Variants in GPHN observed in about 807,000 individuals in gnomAD.
GPHN encodes the protein gephyrin.
Under a neutral mutation model 95.5 loss-of-function variants are expected in GPHN, and 17 were observed. The observed-to-expected ratio is 0.18, with a 90% CI of 0.12 to 0.27. The LOEUF (loss-of-function observed/expected upper bound fraction) is 0.27. Ranked by LOEUF, GPHN falls within the 10% of genes least tolerant of loss-of-function variation. GPHN has a pLI of 1.00. For missense variants in GPHN, 660 were observed against 978.1 expected (o/e 0.67, Z 4.34); for synonymous variants, 320 against 322.5 (o/e 0.99, Z 0.08).
At chr14:66,692,672 C>T (rs2067858794) in intron 2 of GPHN, among the ~76,000 whole-genome samples, 2 of 151,986 alleles carry the variant, frequency 1.3e-5, no homozygotes, top group South Asian at 2.1e-4. Context: ...ACCATTGGTG[C>T]ATATAAACTA....
intron 1 of GPHN, among the ~76,000 whole-genome samples, chr14:66,604,575 A>G (rs144518313): frequency 6.6e-6 from 1 of 152,304 alleles, no homozygotes; most frequent in Admixed American, 6.5e-5. Flanking sequence ...GATACTTTAG[A>G]AAAACAGATT....
At chr14:67,022,030 T>C (rs1227741812) in intron 9 of GPHN, among the ~76,000 whole-genome samples, 1 of 152,138 alleles carries the variant, frequency 6.6e-6, no homozygotes, top group Non-Finnish European at 1.5e-5. Flanking sequence ...TCTCTTGTGT[T>C]CTTTGAATCA....
At chr14:67,540,935 T>A in the GPHN span, among the ~76,000 whole-genome samples, 2 of 152,158 alleles carry the variant, frequency 1.3e-5, no homozygotes, top group African/African-American at 4.8e-5. Context: ...CTGAGTGAAT[T>A]CCCCTGGCTG....
At chr14:66,754,439 G>C (rs1216412673) in intron 2 of GPHN, among the ~76,000 whole-genome samples, 1 of 151,916 alleles carries the variant, frequency 6.6e-6, no homozygotes, top group Non-Finnish European at 1.5e-5. Flanking sequence ...ATAATAATCA[G>C]ATAATCTGAA....
At chr14:67,564,692 CTT>C in the GPHN span, among the ~76,000 whole-genome samples, 4 of 136,706 alleles carry the variant, frequency 2.9e-5, no homozygotes, top group Non-Finnish European at 3.2e-5. Context: ...TTTTCTTTTC[CTT>C]TTTTTTTTTT....
the GPHN span, among the ~76,000 whole-genome samples, chr14:67,463,828 T>C: frequency 6.6e-6 from 1 of 152,100 alleles, no homozygotes; most frequent in African/African-American, 2.4e-5. Flanking sequence ...GCTCAGTCTC[T>C]TGTCCAAAGT....
At chr14:66,794,028 C>T (rs2060070891) in intron 3 of GPHN, among the ~76,000 whole-genome samples, 1 of 152,140 alleles carries the variant, frequency 6.6e-6, no homozygotes. Context: ...CATCTGTGTG[C>T]TTTCTGCAGT....
intron 4 of GPHN, among the ~76,000 whole-genome samples, chr14:66,845,819 CTGTGTGTGTGTGTGTGTGTG>C (rs367997271): frequency 1.4e-5 from 2 of 143,300 alleles, no homozygotes; most frequent in Admixed American, 1.4e-4. Flanking sequence ...ATACATGCCT[CTGTGTGTGTGTGTGTGTGTG>C]TGTGTGTGTG....
chr14:67,532,516 G>A, the GPHN span, among the ~76,000 whole-genome samples: 2 of 152,114 alleles, frequency 1.3e-5, no homozygotes, highest in Non-Finnish European at 2.9e-5. Context: ...TGAGAACGAG[G>A]AGCACATGGG....
Position 67,089,125 on chromosome 14 carries a change from C to CTTTTTTTTT in GPHN, c.1237+57_1237+58insTTTTTTTTT, listed in dbSNP as rs1264164364. 43 of 329,520 alleles carry CTTTTTTTTT rather than the reference C, an allele frequency of 1.3e-4. 1 individual carries two copies. Among genetic ancestry groups the CTTTTTTTTT allele is most frequent in the South Asian group, 2.1e-4 (7 of 34,106 alleles). 20.4% of individuals were successfully genotyped at this position (329,520 alleles called of 1,614,324 possible). On this transcript the variant is annotated intron_variant, in intron 12 of 22. Transcript: ENST00000478722. ...ATAATCAGGCACTGTATTTTTTTTT[C>CTTTTTTTTT]TTTTTTTCTTTTTTTTTTTTTTTTT...
rs79740023 is a variant in GPHN, at chr14:66,960,805, A to G, written c.829-4386A>G. On this transcript the variant is annotated intron_variant, in intron 8 of 22. Coordinates refer to ENST00000478722, the MANE Select transcript of GPHN (RefSeq NM_020806.5). ...TCTGAGGGTGTGCCCAGCCCTGGGC[A>G]TAAACCTGACCTTTTAGAGTCCAAA... 3.2e-3 allele frequency among the ~76,000 whole-genome samples: 483 copies of G among 152,222 alleles called. 11 individuals are homozygous for G. The highest frequency in any genetic ancestry group is 0.011 in the African/African-American group (458 of 41,570).
At chr14:67,259,657 T>C in the GPHN span, among the ~76,000 whole-genome samples, 2 of 152,120 alleles carry the variant, frequency 1.3e-5, no homozygotes, top group Admixed American at 1.3e-4. Context: ...ATGCCTGTAA[T>C]CCCAGCGCCC....
At chr14:67,728,173 G>C in the GPHN span, 1 of 152,224 alleles carries the variant, frequency 6.6e-6, no homozygotes, top group Admixed American at 6.5e-5. Flanking sequence ...ATTTGTTACA[G>C]TGAATAAGCC....
the GPHN span, among the ~76,000 whole-genome samples, chr14:67,505,982 G>A: frequency 8.4e-4 from 128 of 152,242 alleles, no homozygotes; most frequent in African/African-American, 2.9e-3. Flanking sequence ...TTACAGGTGT[G>A]AGCCACCTCA....
intron 1 of GPHN, among the ~76,000 whole-genome samples, chr14:66,593,914 T>G (rs972781413): frequency 1.3e-5 from 2 of 152,160 alleles, no homozygotes; most frequent in African/African-American, 4.8e-5. Flanking sequence ...ACCTTATATA[T>G]AGAAAAGCTT....
At chr14:67,412,558 G>A in the GPHN span, among the ~76,000 whole-genome samples, 3 of 152,134 alleles carry the variant, frequency 2.0e-5, no homozygotes. Flanking sequence ...TCTGATGGGG[G>A]CAGAGAAGAC....
chr14:66,960,199 T>C (rs558964979), intron 8 of GPHN, among the ~76,000 whole-genome samples: 150 of 152,030 alleles, frequency 9.9e-4, no homozygotes, highest in Middle Eastern at 3.4e-3. Context: ...TTTATTAAAA[T>C]AATTAATTTA....
rs916298045 is a variant in GPHN, at chr14:66,557,217, A to G, written c.64+48626A>G. Among the ~76,000 whole-genome samples the G allele has an allele frequency of 3.4e-5, 5 of 145,964 alleles. No individual in the cohort carries two copies. In the East Asian group the frequency reaches 1.0e-3, roughly 30 times the overall value. ...GCATGACCCTGTCTGAAATAGATAG[A>G]TAGATAGATACATAGGTAGGTAGAT... is the stretch of plus-strand genomic sequence containing the variant. On this transcript the variant is annotated intron_variant, in intron 1 of 22. Transcript: ENST00000478722.
chr14:66,608,504 T>C (rs1055256637), intron 1 of GPHN, among the ~76,000 whole-genome samples: 2 of 152,134 alleles, frequency 1.3e-5, no homozygotes, highest in Non-Finnish European at 2.9e-5. Flanking sequence ...TTAGGTCCCA[T>C]TGGTGGACTG....
Sources: allele counts gnomAD v4.1 joint callset (sites outside exome capture counted in the v4.1 genomes callset), GRCh38; gene constraint gnomAD v4.1.1; transcripts MANE v1.5; gene names NCBI Gene and HGNC (gene_info 2026-07-23, HGNC 2026-07-21).